Variants in UPRT observed in about 807,000 individuals in gnomAD.
The protein encoded by UPRT is RP11-311P8.3.
UPRT carries 5 observed loss-of-function variants against 22.6 expected under a neutral mutation model. The observed-to-expected ratio is 0.22, with a 90% confidence interval of 0.12 to 0.47. The LOEUF (loss-of-function observed/expected upper bound fraction) is 0.47. Ranked by LOEUF, UPRT falls within the 20% of genes least tolerant of loss-of-function variation. UPRT has a pLI of 0.99. For synonymous variants in UPRT, 77 were observed against 87.7 expected, an observed-to-expected ratio of 0.88 and a Z score of 0.68; for missense variants, 181 against 239.9, an observed-to-expected ratio of 0.75 and a Z score of 1.62.
At chrX:75,204,764 C>T (rs190239004) in intron 4 of UPRT, among the ~76,000 whole-genome samples, 1 of 111,459 alleles carries the variant, frequency 9.0e-6, no homozygotes, top group Non-Finnish European at 1.9e-5. Context: ...TTTGGCTACA[C>T]GGAGAGCTGC....
intron 4 of UPRT, among the ~76,000 whole-genome samples, chrX:75,236,765 G>C (rs943290873): frequency 8.2e-4 from 92 of 112,235 alleles, no homozygotes; most frequent in Non-Finnish European, 1.5e-3. Context: ...GCTGAAACTG[G>C]ATCCCTTCCT....
At chrX:75,156,407 G>A (rs1253164698) in exon 1 of UPRT, 3 of 708,736 alleles carry the variant, frequency 4.2e-6, no homozygotes, top group Non-Finnish European at 2.1e-6. Context: ...TTGAAGATTC[G>A]GATGCATTCG....
chrX:75,285,682 G>C (rs1337987986), intron 1 of UPRT, among the ~76,000 whole-genome samples: 1 of 111,147 alleles, frequency 9.0e-6, no homozygotes, highest in African/African-American at 3.3e-5. Flanking sequence ...GCTTCCTTAA[G>C]AGGGTCTGTG....
intron 4 of UPRT, among the ~76,000 whole-genome samples, chrX:75,249,963 G>C (rs1252069950): frequency 8.9e-6 from 1 of 111,783 alleles, no homozygotes; most frequent in Admixed American, 9.5e-5. Context: ...AATGACTACT[G>C]GGTACATAAC....
At chrX:75,199,616 G>A (rs1234807231) in intron 4 of UPRT, among the ~76,000 whole-genome samples, 1 of 111,280 alleles carries the variant, frequency 9.0e-6, no homozygotes, top group African/African-American at 3.3e-5. Flanking sequence ...TACAGGGAAA[G>A]ACTCCTTCTG....
chrX:75,181,699 T>C (rs940852623), intron 4 of UPRT, among the ~76,000 whole-genome samples: 1 of 112,119 alleles, frequency 8.9e-6, no homozygotes, highest in Non-Finnish European at 1.9e-5. Context: ...TTACTTTGTA[T>C]CACGAAACTT....
At chrX:75,268,888 A>G (rs150047115) in intron 4 of UPRT, among the ~76,000 whole-genome samples, 1,323 of 112,067 alleles carry the variant, frequency 0.012, 24 homozygotes, top group African/African-American at 0.041. Context: ...TATTCAACAT[A>G]GTATTGGAAG....
chrX:75,298,163 T>A (rs1602498560), intron 4 of UPRT, among the ~76,000 whole-genome samples: 1 of 108,565 alleles, frequency 9.2e-6, no homozygotes, highest in South Asian at 4.1e-4. Flanking sequence ...ACAATTTTTT[T>A]TTTTTTTTGG....
chrX:75,279,546 T>C (rs1197277121), intron 1 of UPRT, among the ~76,000 whole-genome samples: 1 of 111,943 alleles, frequency 8.9e-6, no homozygotes, highest in Non-Finnish European at 1.9e-5. Context: ...AATGTAGCAA[T>C]TGTAATCAGA....
At chrX:75,276,249 C>T (rs924823459) in intron 1 of UPRT, among the ~76,000 whole-genome samples, 8 of 111,679 alleles carry the variant, frequency 7.2e-5, no homozygotes, top group Middle Eastern at 4.6e-3. Context: ...CCTTCTTTTT[C>T]GTATATTGTT....
intron 4 of UPRT, among the ~76,000 whole-genome samples, chrX:75,233,871 C>A (rs2082449336): frequency 9.1e-6 from 1 of 110,243 alleles, no homozygotes; most frequent in Non-Finnish European, 1.9e-5. Flanking sequence ...GAAGAAACTG[C>A]ATCAACTAAT....
At chrX:75,176,026 A>G (rs1052464667) in intron 4 of UPRT, among the ~76,000 whole-genome samples, 1 of 110,560 alleles carries the variant, frequency 9.0e-6, no homozygotes, top group African/African-American at 3.3e-5. Flanking sequence ...GAATCAATTG[A>G]CCCTCGAGTG....
chrX:75,179,295 C>T (rs754834746), intron 4 of UPRT, among the ~76,000 whole-genome samples: 1 of 111,272 alleles, frequency 9.0e-6, no homozygotes, highest in African/African-American at 3.3e-5. Flanking sequence ...CATAAAGACT[C>T]TCCACATCCT....
chrX:75,165,383 T>C (rs1342856180), intron 3 of UPRT, among the ~76,000 whole-genome samples: 1 of 111,861 alleles, frequency 8.9e-6, no homozygotes, highest in Non-Finnish European at 1.9e-5. Context: ...AAACAAGGGC[T>C]TCAGGATTAA....
intron 4 of UPRT, among the ~76,000 whole-genome samples, chrX:75,238,691 T>A (rs781762560): frequency 9.0e-6 from 1 of 111,438 alleles, no homozygotes; most frequent in Admixed American, 9.6e-5. Flanking sequence ...TGGAACATTC[T>A]CCAAGATAGA....
intron 4 of UPRT, among the ~76,000 whole-genome samples, chrX:75,187,859 G>T (rs865892516): frequency 3.2e-4 from 36 of 112,056 alleles, no homozygotes; most frequent in African/African-American, 1.1e-3. Flanking sequence ...GTCCAGCCTT[G>T]GTTTTCAGCT....
intron 4 of UPRT, among the ~76,000 whole-genome samples, chrX:75,248,762 T>A (rs1455473487): frequency 1.8e-5 from 2 of 111,325 alleles, no homozygotes; most frequent in African/African-American, 3.3e-5. Flanking sequence ...AATTGTGAGA[T>A]TCACCAAAGT....
chrX:75,297,762 T>A (rs780428132), intron 4 of UPRT: 34 of 408,963 alleles, frequency 8.3e-5, no homozygotes, highest in Non-Finnish European at 1.1e-4. Flanking sequence ...TATTCCCTAA[T>A]AGAGTGCTCC....
chrX:75,227,871 A>G (rs1394435048), intron 4 of UPRT, among the ~76,000 whole-genome samples: 1 of 112,732 alleles, frequency 8.9e-6, no homozygotes, highest in Non-Finnish European at 1.9e-5. Context: ...ACTCCCTGAT[A>G]AGTAGGTCTG....
Sources: allele counts gnomAD v4.1 joint callset (sites outside exome capture counted in the v4.1 genomes callset), GRCh38; gene constraint gnomAD v4.1.1; transcripts MANE v1.5; gene names NCBI Gene and HGNC (gene_info 2026-07-23, HGNC 2026-07-21).